The following EPS15L1 variants were observed in gnomAD, a reference collection of about 807,000 sequenced individuals.
The protein encoded by EPS15L1 is epidermal growth factor receptor pathway substrate 15 like 1.
Under a neutral mutation model 117.1 loss-of-function variants are expected in EPS15L1, and 43 were observed. That is an observed-to-expected ratio of 0.37 (90% CI 0.29 to 0.47). EPS15L1 has a LOEUF of 0.47. Ranked by LOEUF, EPS15L1 falls within the 20% of genes least tolerant of loss-of-function variation. The pLI is 0.99. For missense variants in EPS15L1, 981 were observed against 1,164.0 expected, an observed-to-expected ratio of 0.84 and a Z score of 2.29; for synonymous variants, 459 against 470.5, an observed-to-expected ratio of 0.98 and a Z score of 0.32.
chr19:16,400,869 GA>G, intron 16 of EPS15L1: 1 of 985,346 alleles, frequency 1.0e-6, no homozygotes, highest in South Asian at 4.7e-5. Flanking sequence ...TTTTATCCAA[GA>G]AAACCGGTTT....
chr19:16,424,642 T>C (rs1414892065), intron 9 of EPS15L1, among the ~76,000 whole-genome samples: 3 of 151,954 alleles, frequency 2.0e-5, no homozygotes, highest in Non-Finnish European at 2.9e-5. Flanking sequence ...GGAGACCATG[T>C]TGAAATAATG....
At chr19:16,403,088 G>A (rs1413604521) in intron 15 of EPS15L1, among the ~76,000 whole-genome samples, 1 of 152,198 alleles carries the variant, frequency 6.6e-6, no homozygotes, top group Non-Finnish European at 1.5e-5. Context: ...TAAAAGAAGT[G>A]TGCCTGGCCA....
At chr19:16,453,530 G>A (rs1290755941) in intron 1 of EPS15L1, among the ~76,000 whole-genome samples, 9 of 152,078 alleles carry the variant, frequency 5.9e-5, no homozygotes, top group Admixed American at 2.0e-4. Context: ...TGGCTAACAC[G>A]GTGAAACCCC....
chr19:16,468,916 A>G (rs948331791), intron 1 of EPS15L1, among the ~76,000 whole-genome samples: 11 of 152,186 alleles, frequency 7.2e-5, no homozygotes, highest in Non-Finnish European at 7.3e-5. Flanking sequence ...GCTACTTGAG[A>G]GGCCAAGGTG....
chr19:16,402,896 C>G (rs1006097780), intron 15 of EPS15L1, among the ~76,000 whole-genome samples: 13 of 152,156 alleles, frequency 8.5e-5, no homozygotes, highest in Admixed American at 2.6e-4. Flanking sequence ...AGCAACATAT[C>G]TTTGCTCCTG....
At position 16,355,652 on chromosome 19, in the gene EPS15L1, G is replaced by A. The variant is rs912132047; in HGVS notation, c.*53C>T. 1.1e-5 allele frequency: 16 copies of A among 1,518,326 alleles called. No individual in the cohort carries two copies. Among genetic ancestry groups the A allele is most frequent in the African/African-American group, 1.4e-5 (1 of 72,750 alleles). 94.1% of individuals were successfully genotyped at this position (1,518,326 alleles called of 1,614,324 possible). A position where few individuals can be genotyped will look rare whatever the true frequency, so the allele number is the denominator to read the frequency against. On this transcript the variant is annotated 3_prime_UTR_variant, in exon 24 of 24. Transcript: ENST00000455140. Reference sequence around the variant, plus strand: ...GTGTGTATATATAGACATCTGCACTGCCCCCTCTCTGGAACCCGCCCGTGC... The same window carrying A: ...GTGTGTATATATAGACATCTGCACTACCCCCTCTCTGGAACCCGCCCGTGC...
Position 16,471,817 on chromosome 19 carries a change from G to A in EPS15L1, c.33+96C>T, listed in dbSNP as rs890617587. On this transcript the variant is annotated intron_variant, in intron 1 of 23. Coordinates refer to ENST00000455140, the MANE Select transcript of EPS15L1 (RefSeq NM_001258374.3). This position sits in a 1 kb window ranked among gnomAD's most constrained non-coding sequence, Gnocchi z 4.8. ...CCCTTCAGCACGCGCCGCCCCCGCC[G>A]CCGCCTGGCTGAGTCTCCCAGCGCC... 119 of 296,932 alleles carry A rather than the reference G, an allele frequency of 4.0e-4. No homozygotes were observed. Among genetic ancestry groups the A allele is most frequent in the Non-Finnish European group, 6.1e-4 (115 of 188,582 alleles). 18.4% of individuals were successfully genotyped at this position (296,932 alleles called of 1,614,324 possible).
At position 16,425,265 on chromosome 19, in the gene EPS15L1, G is replaced by A; in HGVS notation, c.610C>T (p.Leu204=). The part of the protein sequence containing the change: ...ALEKEPVPSA[L]PPSLIPPSKR... Reference sequence around the variant, plus strand: ...GAGGGTGGGATGAGGGACGGGGGCAGGGCGGAGGGCACGGGCTCCTTCTCC... The same window carrying A: ...GAGGGTGGGATGAGGGACGGGGGCAAGGCGGAGGGCACGGGCTCCTTCTCC... Residue 204 remains leucine, a synonymous_variant, in exon 9 of 24, where the codon CTG becomes TTG. Transcript: ENST00000455140. The A allele has an allele frequency of 1.2e-6, 2 of 1,600,358 alleles. No homozygotes were observed. The highest frequency in any genetic ancestry group is 1.7e-6 in the Non-Finnish European group (2 of 1,169,000).
At chr19:16,379,310 T>TA (rs200434393) in intron 21 of EPS15L1, among the ~76,000 whole-genome samples, 1,775 of 150,678 alleles carry the variant, frequency 0.012, 34 homozygotes, top group African/African-American at 0.042. Flanking sequence ...TCTCAAAAAA[T>TA]AAAAAAAATT....
intron 9 of EPS15L1, among the ~76,000 whole-genome samples, chr19:16,422,845 C>A (rs1278336840): frequency 6.6e-6 from 1 of 151,942 alleles, no homozygotes. Flanking sequence ...GTGATCCCAG[C>A]TACTCAGGAG....
Position 16,445,294 on chromosome 19 carries a change from C to A in EPS15L1, c.34-3075G>T, listed in dbSNP as rs1030380154. ...TCCGGCTCGAACACTTGATGACCACCGGATGTCACTCTCAAAAGACCTACA... is the reference window on the plus strand; with the variant it reads ...TCCGGCTCGAACACTTGATGACCACAGGATGTCACTCTCAAAAGACCTACA... On this transcript the variant is annotated intron_variant, in intron 1 of 23. Coordinates refer to ENST00000455140, the MANE Select transcript of EPS15L1 (RefSeq NM_001258374.3). 1.1e-4 allele frequency among the ~76,000 whole-genome samples: 16 copies of A among 152,284 alleles called. No homozygotes were observed. The South Asian group carries it at 2.7e-3, about 26-fold the overall frequency.
chr19:16,379,051 C>A (rs2092330618), intron 21 of EPS15L1, among the ~76,000 whole-genome samples: 1 of 152,176 alleles, frequency 6.6e-6, no homozygotes, highest in Non-Finnish European at 1.5e-5. Flanking sequence ...CGCCTGTAAT[C>A]CCAGCACTTT....
At chr19:16,451,749 T>G (rs1305277294) in intron 1 of EPS15L1, among the ~76,000 whole-genome samples, 1 of 149,582 alleles carries the variant, frequency 6.7e-6, no homozygotes, top group Non-Finnish European at 1.5e-5. Context: ...CAGGATGGTC[T>G]CGATCTCCTG....
At chr19:16,426,462 C>T (rs997048662) in intron 8 of EPS15L1, among the ~76,000 whole-genome samples, 2 of 152,028 alleles carry the variant, frequency 1.3e-5, no homozygotes, top group African/African-American at 4.8e-5. Context: ...GGAGAAACCG[C>T]ATCTCTACTA....
chr19:16,453,600 C>T (rs1040693619), intron 1 of EPS15L1, among the ~76,000 whole-genome samples: 1 of 152,024 alleles, frequency 6.6e-6, no homozygotes, highest in Non-Finnish European at 1.5e-5. Flanking sequence ...GCAGTCCCAG[C>T]TACTCGGGAG....
At chr19:16,432,167 C>T (rs943370049) in intron 7 of EPS15L1, among the ~76,000 whole-genome samples, 11 of 152,212 alleles carry the variant, frequency 7.2e-5, no homozygotes, top group African/African-American at 2.7e-4. Flanking sequence ...GGCACGGTGG[C>T]TCACGCTTGT....
intron 13 of EPS15L1, among the ~76,000 whole-genome samples, chr19:16,408,085 C>T (rs532206086): frequency 2.6e-5 from 4 of 152,030 alleles, no homozygotes; most frequent in African/African-American, 9.7e-5. Context: ...GAGCGTTAGG[C>T]CGGATGGGGT....
intron 15 of EPS15L1, 40 bp from the exon 16 acceptor site, chr19:16,402,525 G>C: frequency 1.9e-6 from 3 of 1,538,646 alleles, no homozygotes; most frequent in Non-Finnish European, 2.6e-6. Context: ...GCAGGGTCAG[G>C]AAAACATGTC....
intron 1 of EPS15L1, among the ~76,000 whole-genome samples, chr19:16,452,627 T>A (rs1163779403): frequency 8.1e-6 from 1 of 123,720 alleles, no homozygotes; most frequent in African/African-American, 3.3e-5. Context: ...TAGCAAAATG[T>A]CATCTGAAAA....
Sources: gnomAD v4.1 joint callset for allele counts (sites outside exome capture counted in the v4.1 genomes callset) on GRCh38, gnomAD v4.1.1 for gene constraint, Gnocchi (gnomAD v3.1) non-coding constraint, MANE v1.5 for transcripts, NCBI Gene and HGNC (gene_info 2026-07-23, HGNC 2026-07-21) for gene names.